Variants in PTPRK observed in about 807,000 individuals in gnomAD.
The protein encoded by PTPRK is receptor-type tyrosine-protein phosphatase kappa.
A neutral mutation model predicts 178.0 loss-of-function variants in PTPRK; 75 were observed. That is an observed-to-expected ratio of 0.42 (90% CI 0.35 to 0.51). The LOEUF is 0.51. Ranked by LOEUF, PTPRK falls within the 20% of genes least tolerant of loss-of-function variation. The pLI is 0.02. For missense variants in PTPRK, 1,441 were observed against 1,797.8 expected, an observed-to-expected ratio of 0.80 and a Z score of 3.59; for synonymous variants, 637 against 620.6, an observed-to-expected ratio of 1.03 and a Z score of -0.39.
At chr6:128,094,266 A>G (rs1466839013) in intron 7 of PTPRK, among the ~76,000 whole-genome samples, 1 of 152,218 alleles carries the variant, frequency 6.6e-6, no homozygotes, top group Admixed American at 6.5e-5. Context: ...ATAGTAAAAT[A>G]ACATTAATAA....
intron 15 of PTPRK, among the ~76,000 whole-genome samples, chr6:128,004,491 G>A (rs1468844498): frequency 6.6e-6 from 1 of 151,658 alleles, no homozygotes; most frequent in Non-Finnish European, 1.5e-5. Context: ...CAAGACAGAT[G>A]GATGGATGAA....
intron 13 of PTPRK, among the ~76,000 whole-genome samples, chr6:128,047,823 G>C (rs1203739496): frequency 6.6e-6 from 1 of 151,766 alleles, no homozygotes; most frequent in Non-Finnish European, 1.5e-5. Flanking sequence ...CCTACTAGTA[G>C]TGATTTCCAT....
chr6:128,465,304 T>C lies in PTPRK; in HGVS notation c.100+54955A>G, dbSNP rs543633702. 4.6e-5 allele frequency among the ~76,000 whole-genome samples: 7 copies of C among 152,270 alleles called. No individual in the cohort carries two copies. The East Asian group carries it at 7.7e-4, about 17-fold the overall frequency. On this transcript the variant is annotated intron_variant, in intron 1 of 29. Transcript: ENST00000368226. ...TCAACAATTTCAGGGTAAAAATAATTGTAAAACTTTGATATTAATTTTGCA... is the reference window on the plus strand; with the variant it reads ...TCAACAATTTCAGGGTAAAAATAATCGTAAAACTTTGATATTAATTTTGCA...
chr6:128,208,000 A>C (rs958160027), intron 6 of PTPRK, among the ~76,000 whole-genome samples: 1 of 152,030 alleles, frequency 6.6e-6, no homozygotes, highest in South Asian at 2.1e-4. Context: ...TTTCCAATTC[A>C]AATTCTCTTT....
rs1280059514 is a variant in PTPRK at position 128,346,505 on chromosome 6, T to C, written c.224-24195A>G. Reference sequence around the variant, plus strand: ...GATATAAAGTCCCAATCTAAAATATTTTATATATTACATGAAATAGAATTG... The same window carrying C: ...GATATAAAGTCCCAATCTAAAATATCTTATATATTACATGAAATAGAATTG... On this transcript the variant is annotated intron_variant, in intron 2 of 29. Coordinates refer to ENST00000368226, the MANE Select transcript of PTPRK (RefSeq NM_002844.4). Among the ~76,000 whole-genome samples the C allele has an allele frequency of 3.3e-5, 5 of 152,214 alleles. No individual in the cohort carries two copies. In the East Asian group the frequency reaches 7.7e-4, roughly 23 times the overall value.
chr6:127,979,658 G>A (rs1042743579), intron 25 of PTPRK, among the ~76,000 whole-genome samples: 1 of 152,122 alleles, frequency 6.6e-6, no homozygotes, highest in Non-Finnish European at 1.5e-5. Flanking sequence ...ATTCCGCTTT[G>A]CAGCACCAAA....
chr6:128,008,008 T>C (rs770339202), intron 14 of PTPRK: 1 of 1,270,148 alleles, frequency 7.9e-7, no homozygotes, highest in South Asian at 1.2e-5. Flanking sequence ...GGAAAGCACG[T>C]ATGTAGCTAA....
intron 1 of PTPRK, among the ~76,000 whole-genome samples, chr6:128,465,421 C>A (rs1339987869): frequency 6.6e-6 from 1 of 151,934 alleles, no homozygotes; most frequent in African/African-American, 2.4e-5. Context: ...AAAGACAATT[C>A]TTATTATAAA....
chr6:128,117,089 T>G (rs1415323478), intron 7 of PTPRK, among the ~76,000 whole-genome samples: 2 of 151,592 alleles, frequency 1.3e-5, no homozygotes, highest in African/African-American at 2.4e-5. Flanking sequence ...GAGGTTGCAG[T>G]GAGCCGAGAT....
chr6:128,054,699 C>T lies in PTPRK; in HGVS notation c.2194+10059G>A, dbSNP rs1293852676. Among the ~76,000 whole-genome samples, 5 of 152,288 alleles carry T rather than the reference C, an allele frequency of 3.3e-5. No individual in the cohort carries two copies. In the East Asian group the frequency reaches 9.7e-4, roughly 29 times the overall value. On this transcript the variant is annotated intron_variant, in intron 13 of 29. Coordinates refer to ENST00000368226, the MANE Select transcript of PTPRK (RefSeq NM_002844.4). ...TTGAACATAGCACATTTGTATCATA[C>T]TTTACTTAAGTTTCACATATTACTT...
intron 3 of PTPRK, among the ~76,000 whole-genome samples, chr6:128,318,440 G>A (rs1288307468): frequency 6.6e-6 from 1 of 151,824 alleles, no homozygotes; most frequent in Non-Finnish European, 1.5e-5. Flanking sequence ...TCAAACCAAT[G>A]GAAAATGTTA....
At chr6:128,384,366 A>G (rs954840163) in intron 2 of PTPRK, among the ~76,000 whole-genome samples, 2 of 146,558 alleles carry the variant, frequency 1.4e-5, no homozygotes, top group African/African-American at 2.4e-5. Context: ...CAATACAAAG[A>G]TTTTTGGACA....
chr6:128,457,071 C>T (rs1393776430), intron 1 of PTPRK, among the ~76,000 whole-genome samples: 3 of 151,942 alleles, frequency 2.0e-5, no homozygotes, highest in African/African-American at 7.3e-5. Context: ...TCAATGTTTC[C>T]GCATTATGAC....
intron 1 of PTPRK, among the ~76,000 whole-genome samples, chr6:128,453,802 G>A (rs891831271): frequency 6.6e-6 from 1 of 152,118 alleles, no homozygotes; most frequent in African/African-American, 2.4e-5. Context: ...GAATCACATG[G>A]AGAAACTGAA....
intron 5 of PTPRK, among the ~76,000 whole-genome samples, chr6:128,231,132 A>G (rs570601275): frequency 6.6e-6 from 1 of 152,230 alleles, no homozygotes; most frequent in African/African-American, 2.4e-5. Context: ...AATGCCAGAA[A>G]GCAGAAGAAA....
intron 13 of PTPRK, among the ~76,000 whole-genome samples, chr6:128,037,486 A>G (rs572915365): frequency 6.6e-6 from 1 of 152,338 alleles, no homozygotes; most frequent in East Asian, 1.9e-4. Flanking sequence ...TCTGCCTATC[A>G]AGATTTAAGA....
chr6:128,303,808 T>C (rs1825987512), intron 3 of PTPRK, among the ~76,000 whole-genome samples: 1 of 152,232 alleles, frequency 6.6e-6, no homozygotes, highest in Non-Finnish European at 1.5e-5. Flanking sequence ...TATTTTTACA[T>C]AGAATTTAAA....
chr6:128,068,422 T>TA (rs1210866033), intron 11 of PTPRK, among the ~76,000 whole-genome samples: 2 of 152,226 alleles, frequency 1.3e-5, no homozygotes, highest in Non-Finnish European at 2.9e-5. Flanking sequence ...GCCTCCTTCT[T>TA]CTGGAGTTGT....
chr6:128,056,429 C>CT (rs1000039582), intron 13 of PTPRK, among the ~76,000 whole-genome samples: 1,609 of 143,698 alleles, frequency 0.011, 26 homozygotes, highest in African/African-American at 0.035. Flanking sequence ...ATATGCTTTT[C>CT]TTTTTTTTTT....
Sources: allele counts gnomAD v4.1 joint callset (sites outside exome capture counted in the v4.1 genomes callset), GRCh38; gene constraint gnomAD v4.1.1; transcripts MANE v1.5; gene names NCBI Gene and HGNC (gene_info 2026-07-23, HGNC 2026-07-21).